GRIP2: variants seen among roughly 807,000 people sequenced by gnomAD.
The protein encoded by GRIP2 is glutamate receptor interacting protein 2.
In GRIP2, 58 loss-of-function variants were observed where a neutral mutation model predicts 108.3. That is an observed-to-expected ratio of 0.54 (90% CI 0.43 to 0.67). GRIP2 has a LOEUF of 0.67. Among genes scored for constraint, GRIP2 ranks in the 30% least tolerant of loss-of-function variants. The pLI, the probability that GRIP2 is intolerant of heterozygous loss-of-function variation, is 0.00. For synonymous variants in GRIP2, 586 were observed against 598.2 expected, an observed-to-expected ratio of 0.98 and a Z score of 0.30; for missense variants, 1,278 against 1,430.6, an observed-to-expected ratio of 0.89 and a Z score of 1.72.
At chr3:14,590,653 C>T in the GRIP2 span, among the ~76,000 whole-genome samples, 1 of 152,202 alleles carries the variant, frequency 6.6e-6, no homozygotes, top group African/African-American at 2.4e-5. Flanking sequence ...CCAGCAGGAG[C>T]TTTCTGAAGA....
chr3:14,594,901 G>GTTATTA, the GRIP2 span, among the ~76,000 whole-genome samples: 27 of 151,814 alleles, frequency 1.8e-4, no homozygotes, highest in Admixed American at 1.8e-3. Flanking sequence ...ATGGTTAGCT[G>GTTATTA]TTATTATTAT....
intron 11 of GRIP2, among the ~76,000 whole-genome samples, chr3:14,514,930 C>T (rs1575006293): frequency 6.6e-6 from 1 of 152,294 alleles, no homozygotes; most frequent in South Asian, 2.1e-4. Flanking sequence ...CAAACATCAC[C>T]ACGATGCATT....
chr3:14,549,172 G>A (rs145382064), intron 1 of GRIP2, among the ~76,000 whole-genome samples: 1 of 152,310 alleles, frequency 6.6e-6, no homozygotes, highest in East Asian at 1.9e-4. Context: ...TATGATGAAT[G>A]TACATAATCT....
In GRIP2 at chr3:14,507,705, G is replaced by A; in HGVS notation, c.2079-5C>T. ...CCCACGTGGATGGCACCAGTCCTGA[G>A]GAGTGGATGCAGGGCAGAGAATGGG... is the stretch of plus-strand genomic sequence containing the variant. On this transcript the variant is annotated splice_region_variant and splice_polypyrimidine_tract_variant and intron_variant, in intron 17 of 23. Transcript: ENST00000621039. This position sits in a 1 kb window ranked among gnomAD's most constrained non-coding sequence, Gnocchi z 4.6. 2 of 1,613,270 alleles carry A rather than the reference G, an allele frequency of 1.2e-6. No individual in the cohort carries two copies. Among genetic ancestry groups the A allele is most frequent in the Non-Finnish European group, 1.7e-6 (2 of 1,179,230 alleles).
chr3:14,518,433 GA>G, intron 9 of GRIP2, among the ~76,000 whole-genome samples: 1 of 152,300 alleles, frequency 6.6e-6, no homozygotes, highest in African/African-American at 2.4e-5. Flanking sequence ...GGCCAAGGCT[GA>G]AGTGCACCAC....
intron 1 of GRIP2, among the ~76,000 whole-genome samples, chr3:14,553,890 G>A (rs1435024671): frequency 6.6e-6 from 1 of 152,186 alleles, no homozygotes; most frequent in Non-Finnish European, 1.5e-5. Flanking sequence ...CCGTGAAGGA[G>A]TGGAGAGGGG....
chr3:14,600,034 T>C, the GRIP2 span, among the ~76,000 whole-genome samples: 1 of 152,182 alleles, frequency 6.6e-6, no homozygotes, highest in East Asian at 1.9e-4. Context: ...TGTAAGTCTG[T>C]GGTGTGTCTT....
At chr3:14,573,410 G>A in the GRIP2 span, 2 of 1,354,950 alleles carry the variant, frequency 1.5e-6, no homozygotes, top group East Asian at 4.6e-5. Flanking sequence ...TGGACACCAG[G>A]TAGTGCAGGA....
Position 14,513,652 on chromosome 3 carries a change from G to T in GRIP2, c.1639+13C>A. 6.3e-7 allele frequency: 1 copy of T among 1,594,608 alleles called. No individual in the cohort carries two copies. The highest frequency in any genetic ancestry group is 1.1e-5 in the South Asian group (1 of 87,698). On this transcript the variant is annotated intron_variant, in intron 13 of 23. Transcript: ENST00000621039. ...CCTGAAATATGAGGAGGAAGCTTGGGCCACTCACTCACCCGCCACATCGAA... is the reference window on the plus strand; with the variant it reads ...CCTGAAATATGAGGAGGAAGCTTGGTCCACTCACTCACCCGCCACATCGAA...
At chr3:14,548,195 C>T (rs1369276992) in intron 1 of GRIP2, among the ~76,000 whole-genome samples, 6 of 152,176 alleles carry the variant, frequency 3.9e-5, no homozygotes, top group Non-Finnish European at 8.8e-5. Context: ...GGAAAGGCAC[C>T]ACCAAAAGGG....
the GRIP2 span, among the ~76,000 whole-genome samples, chr3:14,593,566 A>G: frequency 6.6e-6 from 1 of 152,208 alleles, no homozygotes; most frequent in Non-Finnish European, 1.5e-5. Context: ...GACCCTGAAC[A>G]TGGGTTTTGT....
intron 4 of GRIP2, chr3:14,524,091 C>T (rs1184908477): frequency 3.9e-6 from 2 of 517,870 alleles, no homozygotes; most frequent in East Asian, 3.3e-5. Flanking sequence ...GGAGTGTGGG[C>T]GTGGTAGGTC....
At chr3:14,600,785 G>A in the GRIP2 span, among the ~76,000 whole-genome samples, 4 of 152,264 alleles carry the variant, frequency 2.6e-5, no homozygotes, top group Non-Finnish European at 4.4e-5. Context: ...CTGCCAGCGC[G>A]GGTGGATACA....
the GRIP2 span, among the ~76,000 whole-genome samples, chr3:14,595,164 C>G: frequency 2.0e-5 from 3 of 152,168 alleles, no homozygotes; most frequent in Non-Finnish European, 4.4e-5. Flanking sequence ...TCCTGAGTAG[C>G]TGGGACTACA....
chr3:14,519,013 T>C (rs956318027), intron 9 of GRIP2, among the ~76,000 whole-genome samples: 7 of 152,196 alleles, frequency 4.6e-5, no homozygotes, highest in African/African-American at 1.7e-4. Flanking sequence ...CAGCTTTCCC[T>C]GTAAAGTGGG....
the GRIP2 span, among the ~76,000 whole-genome samples, chr3:14,566,187 G>A: frequency 6.6e-6 from 1 of 152,206 alleles, no homozygotes; most frequent in Non-Finnish European, 1.5e-5. Context: ...ACCGTAGTGT[G>A]GGAATCGGAG....
At chr3:14,580,397 T>A in the GRIP2 span, among the ~76,000 whole-genome samples, 1 of 152,178 alleles carries the variant, frequency 6.6e-6, no homozygotes, top group East Asian at 1.9e-4. Context: ...CATTCATGCA[T>A]CAACTTGGCC....
chr3:14,498,322 G>C (rs1394423011), intron 21 of GRIP2, among the ~76,000 whole-genome samples: 1 of 152,132 alleles, frequency 6.6e-6, no homozygotes, highest in African/African-American at 2.4e-5. Context: ...TATTAGCCAG[G>C]TGTGGTGATG....
the GRIP2 span, among the ~76,000 whole-genome samples, chr3:14,601,278 C>T: frequency 2.0e-5 from 3 of 152,138 alleles, no homozygotes; most frequent in African/African-American, 4.8e-5. Flanking sequence ...GAAAGTGAGC[C>T]TGAGAGAGGC....
Sources: allele counts gnomAD v4.1 joint callset (sites outside exome capture counted in the v4.1 genomes callset), GRCh38; gene constraint gnomAD v4.1.1; non-coding constraint Gnocchi (gnomAD v3.1); transcripts MANE v1.5; gene names NCBI Gene and HGNC (gene_info 2026-07-23, HGNC 2026-07-21).